The following KDM2B variants were observed in gnomAD, a reference collection of about 807,000 sequenced individuals.
KDM2B encodes the protein lysine demethylase 2B.
In KDM2B, 26 loss-of-function variants were observed where a neutral mutation model predicts 150.0. The observed-to-expected ratio is 0.17, with a 90% CI of 0.13 to 0.24. KDM2B has a LOEUF of 0.24. KDM2B is among the 10% of genes least tolerant of loss of function. KDM2B has a pLI of 1.00. For synonymous variants in KDM2B, 734 were observed against 729.5 expected, an observed-to-expected ratio of 1.01 and a Z score of -0.10; for missense variants, 1,265 against 1,816.9, an observed-to-expected ratio of 0.70 and a Z score of 5.52.
rs376781406 is a variant in KDM2B, at chr12:121,580,866, G to A, written c.46C>T (p.Arg16Ter). The A allele has an allele frequency of 3.7e-5, 59 of 1,613,642 alleles. No individual in the cohort carries two copies. Among genetic ancestry groups the A allele is most frequent in the Admixed American group, 1.7e-4 (10 of 59,964 alleles). The change falls in exon 1 of 23, where the codon CGA becomes TGA. Residue 16 changes from arginine to a stop codon, truncating the protein, a stop_gained. Coordinates refer to ENST00000377071, the MANE Select transcript of KDM2B (RefSeq NM_032590.5). LOFTEE classifies it high-confidence loss of function. ...TGCTTTTCTGCTGCATGTCTTTTTC[G>A]TGGGGGGTGATCCTCTGCAGATCCC... Reference protein sequence around the residue: ...MGGSAEDHPPRKRHAAEKQKK... With the variant: ...MGGSAEDHPP
chr12:121,532,894 G>A lies in KDM2B; in HGVS notation c.843C>T (p.Gly281=). 1 of 1,614,190 alleles carries A rather than the reference G, an allele frequency of 6.2e-7. No homozygotes were observed. The highest frequency in any genetic ancestry group is 8.5e-7 in the Non-Finnish European group (1 of 1,180,016). ...CTCCCAGAAAGATGTCACTCTGTTT[G>A]CCTGACAGCACCCACTCCTCGTACA... ...LALYEEWVLS[G]KQSDIFLGDR... Residue 281 remains glycine (G), a synonymous_variant, in exon 8 of 23, where the codon GGC becomes GGT. Coordinates refer to ENST00000377071, the MANE Select transcript of KDM2B (RefSeq NM_032590.5).
intron 4 of KDM2B, among the ~76,000 whole-genome samples, chr12:121,573,059 C>G (rs1201539924): frequency 6.6e-6 from 1 of 151,138 alleles, no homozygotes; most frequent in Non-Finnish European, 1.5e-5. Flanking sequence ...ATCTTGACCT[C>G]GTGATCCTCC....
intron 6 of KDM2B, among the ~76,000 whole-genome samples, chr12:121,544,114 CA>C (rs57873693): frequency 0.033 from 1,427 of 42,904 alleles, 3 homozygotes; most frequent in African/African-American, 0.075. Flanking sequence ...GACCCTGCCT[CA>C]AAAAAAAAAA....
chr12:121,423,701 G>A, the KDM2B span: 3 of 826,934 alleles, frequency 3.6e-6, no homozygotes, highest in Non-Finnish European at 5.6e-6. The surrounding 1 kb of genome is among the most constrained non-coding windows in gnomAD (Gnocchi z 4.3). Context: ...TGACTACTAA[G>A]TGGGGACAGA....
At chr12:121,437,687 C>T (rs1365227992) in intron 22 of KDM2B, among the ~76,000 whole-genome samples, 3 of 152,134 alleles carry the variant, frequency 2.0e-5, no homozygotes, top group South Asian at 2.1e-4. Flanking sequence ...AAATTTTCCA[C>T]GATGGAATTC....
intron 1 of KDM2B, chr12:121,579,749 A>C: frequency 3.2e-6 from 4 of 1,243,114 alleles, no homozygotes; most frequent in East Asian, 5.1e-5. Flanking sequence ...ATTCCGGGCG[A>C]ACCCCGAGCC....
intron 8 of KDM2B, among the ~76,000 whole-genome samples, chr12:121,526,862 T>C (rs573373903): frequency 3.9e-5 from 6 of 152,020 alleles, no homozygotes; most frequent in African/African-American, 1.2e-4. Context: ...TAAAACCACG[T>C]CTCTACTAAA....
chr12:121,546,062 C>T (rs1889013438), intron 6 of KDM2B, among the ~76,000 whole-genome samples: 1 of 152,160 alleles, frequency 6.6e-6, no homozygotes, highest in Non-Finnish European at 1.5e-5. Context: ...CTGTGGGCCT[C>T]ATCGCAGCTG....
intron 4 of KDM2B, among the ~76,000 whole-genome samples, chr12:121,567,707 T>C: frequency 8.5e-6 from 1 of 118,298 alleles, no homozygotes; most frequent in Non-Finnish European, 1.8e-5. Context: ...AATACATTTC[T>C]TTTTTTTTTT....
In KDM2B at chr12:121,575,846, C is replaced by T; in HGVS notation, c.285G>A (p.Glu95=). Residue 95 remains glutamate (E), a synonymous_variant, in exon 3 of 23, where the codon GAG becomes GAA. Coordinates refer to ENST00000377071, the MANE Select transcript of KDM2B (RefSeq NM_032590.5). This position sits in a 1 kb window ranked among gnomAD's most constrained non-coding sequence, Gnocchi z 4.4. The part of the protein sequence containing the change: ...HAMEGKDFNY[E]YVQREALRVP... ...CCCTGAGAGCTTCTCTCTGTACGTACTCATAGTTGAAATCTGTTTGGATAT... is the reference window on the plus strand; with the variant it reads ...CCCTGAGAGCTTCTCTCTGTACGTATTCATAGTTGAAATCTGTTTGGATAT... The T allele has an allele frequency of 6.2e-7, 1 of 1,612,488 alleles. No individual in the cohort carries two copies. Among genetic ancestry groups the T allele is most frequent in the Non-Finnish European group, 8.5e-7 (1 of 1,178,488 alleles).
At chr12:121,540,558 G>A (rs1478186092) in intron 6 of KDM2B, among the ~76,000 whole-genome samples, 2 of 151,780 alleles carry the variant, frequency 1.3e-5, no homozygotes, top group African/African-American at 4.8e-5. Flanking sequence ...AGACCAGCCT[G>A]GCCAACATGG....
the KDM2B span, among the ~76,000 whole-genome samples, chr12:121,414,691 G>C: frequency 2.0e-5 from 3 of 152,090 alleles, no homozygotes; most frequent in South Asian, 6.2e-4. Flanking sequence ...TTGTTTTTTC[G>C]AGATGGACTC....
chr12:121,565,345 T>G (rs1395423792), intron 4 of KDM2B, among the ~76,000 whole-genome samples: 13 of 151,870 alleles, frequency 8.6e-5, no homozygotes, highest in African/African-American at 3.1e-4. Flanking sequence ...AGACAGAGTT[T>G]CATTCTTGTT....
At chr12:121,462,193 T>C (rs912269669) in intron 12 of KDM2B, among the ~76,000 whole-genome samples, 2 of 152,208 alleles carry the variant, frequency 1.3e-5, no homozygotes, top group Non-Finnish European at 2.9e-5. Flanking sequence ...CTCAGTATTA[T>C]TCCTGTCCTC....
chr12:121,442,264 A>C lies in KDM2B; in HGVS notation c.3177T>G (p.Asp1059Glu). The C allele has an allele frequency of 6.2e-7, 1 of 1,612,418 alleles. No homozygotes were observed. The highest frequency in any genetic ancestry group is 8.5e-7 in the Non-Finnish European group (1 of 1,179,322). The change falls in exon 19 of 23, where the codon GAT becomes GAG. Residue 1059 changes from aspartate (D) to glutamate (E), a missense_variant. By Grantham distance (45) the Asp-to-Glu change is conservative. Transcript: ENST00000377071. The surrounding 1 kb of genome is among the most constrained non-coding windows in gnomAD (Gnocchi z 7.7). The part of the protein sequence containing the change: ...SPPPDSLPLD[D>E]GAAHVMHREV... ...CCCTGTGCATGACGTGGGCTGCCCC[A>C]TCGTCCAGGGGTAGCGAGTCAGGCG...
At chr12:121,546,379 C>CTTTTTTTTTT (rs371614406) in intron 6 of KDM2B, among the ~76,000 whole-genome samples, 34 of 97,484 alleles carry the variant, frequency 3.5e-4, no homozygotes, top group African/African-American at 5.4e-4. Context: ...TTTTTTTTGC[C>CTTTTTTTTTT]TTTTTTTTTT....
chr12:121,564,876 T>C (rs973920763), intron 4 of KDM2B, among the ~76,000 whole-genome samples: 6 of 152,132 alleles, frequency 3.9e-5, no homozygotes, highest in Admixed American at 6.6e-5. Flanking sequence ...TCACCCAGGC[T>C]TGAGTACAGT....
At chr12:121,445,657 T>C (rs1425437910) in intron 13 of KDM2B, among the ~76,000 whole-genome samples, 1 of 152,190 alleles carries the variant, frequency 6.6e-6, no homozygotes, top group Admixed American at 6.5e-5. Flanking sequence ...TCAAAATCTC[T>C]GCCATCCAGA....
rs543002592 is a variant in KDM2B at position 121,498,334 on chromosome 12, A to G, written c.1648-3669T>C. On this transcript the variant is annotated intron_variant, in intron 11 of 22. Coordinates refer to ENST00000377071, the MANE Select transcript of KDM2B (RefSeq NM_032590.5). ...ATTCAAGATGTAACCGGACTGGAAC[A>G]ATAGGGAACGGTGAGGCCTGTGACA... 4.1e-3 allele frequency among the ~76,000 whole-genome samples: 629 copies of G among 152,244 alleles called. 5 individuals carry two copies. The highest frequency in any genetic ancestry group is 0.015 in the African/African-American group (607 of 41,540).
Sources: gnomAD v4.1 joint callset for allele counts (sites outside exome capture counted in the v4.1 genomes callset) on GRCh38, gnomAD v4.1.1 for gene constraint, Gnocchi (gnomAD v3.1) non-coding constraint, MANE v1.5 for transcripts, NCBI Gene and HGNC (gene_info 2026-07-23, HGNC 2026-07-21) for gene names.